KIRREL3: variants seen among roughly 807,000 people sequenced by gnomAD.
KIRREL3 encodes the protein kin of IRRE-like protein 3.
Under a neutral mutation model 89.7 loss-of-function variants are expected in KIRREL3, and 36 were observed. The observed-to-expected ratio is 0.40, with a 90% CI of 0.31 to 0.53. KIRREL3 has a LOEUF of 0.53. KIRREL3 is among the 20% of genes least tolerant of loss of function. The pLI, the probability that KIRREL3 is intolerant of heterozygous loss-of-function variation, is 0.49. For missense variants in KIRREL3, 864 were observed against 1,056.6 expected, an observed-to-expected ratio of 0.82 and a Z score of 2.53; for synonymous variants, 445 against 441.4, an observed-to-expected ratio of 1.01 and a Z score of -0.10.
chr11:126,914,172 T>A (rs1304035778), intron 1 of KIRREL3, among the ~76,000 whole-genome samples: 1 of 152,066 alleles, frequency 6.6e-6, no homozygotes, highest in Non-Finnish European at 1.5e-5. Context: ...CTCGGATAGG[T>A]GCTATGCCTG....
In KIRREL3 at chr11:126,744,715, A is replaced by G. The variant is rs1488659029; in HGVS notation, c.56-181803T>C. ...CGTGGAAACTAAGGACCCGATGAAC[A>G]GTACTCGTATTACTATTCTTTATAA... On this transcript the variant is annotated intron_variant, in intron 1 of 16. Coordinates refer to ENST00000525144, the MANE Select transcript of KIRREL3 (RefSeq NM_032531.4). The surrounding 1 kb of genome is among the most constrained non-coding windows in gnomAD (Gnocchi z 4.7). Among the ~76,000 whole-genome samples, 2 of 152,288 alleles carry G rather than the reference A, an allele frequency of 1.3e-5. No individual in the cohort carries two copies. Among genetic ancestry groups the G allele is most frequent in the East Asian group, 3.9e-4 (2 of 5,174 alleles).
Position 126,987,912 on chromosome 11 carries a change from C to G in KIRREL3, c.55+12543G>C, listed in dbSNP as rs1949915039. 6.6e-6 allele frequency among the ~76,000 whole-genome samples: 1 copy of G among 152,124 alleles called. No individual in the cohort carries two copies. Among genetic ancestry groups the G allele is most frequent in the Non-Finnish European group, 1.5e-5 (1 of 68,034 alleles). On this transcript the variant is annotated intron_variant, in intron 1 of 16. Coordinates refer to ENST00000525144, the MANE Select transcript of KIRREL3 (RefSeq NM_032531.4). This position sits in a 1 kb window ranked among gnomAD's most constrained non-coding sequence, Gnocchi z 4.6. The stretch of plus-strand genomic sequence containing the variant: ...GATTTCTGACACAAGGTAAGTTGTA[C>G]CAGCCGAGACCAAAGTGAAAAGAAT...
Position 126,424,732 on chromosome 11 carries a change from T to C in KIRREL3, c.2185A>G (p.Ser729Gly), listed in dbSNP as rs759244403. The C allele has an allele frequency of 3.3e-5, 53 of 1,613,922 alleles. No individual in the cohort carries two copies. Among genetic ancestry groups the C allele is most frequent in the Non-Finnish European group, 4.3e-5 (51 of 1,179,900 alleles). The change falls in exon 17 of 17, where the codon AGC becomes GGC. Residue 729 changes from serine (S) to glycine (G), a missense_variant. Coordinates refer to ENST00000525144, the MANE Select transcript of KIRREL3 (RefSeq NM_032531.4). ...TGCTTGCCGCTGCTGCTGACGCTGC[T>C]GTCACACTGCGTGTCCAGGAAGGAG... ...SSSFLDTQCDSSVSSSGKQDG... is the reference protein window; with the variant it reads ...SSSFLDTQCDGSVSSSGKQDG...
At chr11:126,847,390 T>C (rs1477891766) in intron 1 of KIRREL3, among the ~76,000 whole-genome samples, 1 of 152,166 alleles carries the variant, frequency 6.6e-6, no homozygotes, top group African/African-American at 2.4e-5. Flanking sequence ...TGACTGTGGC[T>C]GCCCTAAACA....
At chr11:126,998,767 C>T (rs942575845) in intron 1 of KIRREL3, among the ~76,000 whole-genome samples, 1 of 152,158 alleles carries the variant, frequency 6.6e-6, no homozygotes, top group Non-Finnish European at 1.5e-5. Flanking sequence ...AAGCTTCTAA[C>T]TACACAAAAG....
rs1946538771 is a variant in KIRREL3 at position 126,905,376 on chromosome 11, A to G, written c.55+95079T>C. ...TCAACTGCCTTCTTTTCTCATTTAC[A>G]CAACGCTATCCTGGGGTAAAGAGCC... On this transcript the variant is annotated intron_variant, in intron 1 of 16. Coordinates refer to ENST00000525144, the MANE Select transcript of KIRREL3 (RefSeq NM_032531.4). This position sits in a 1 kb window ranked among gnomAD's most constrained non-coding sequence, Gnocchi z 5.0. Among the ~76,000 whole-genome samples, 1 of 152,162 alleles carries G rather than the reference A, an allele frequency of 6.6e-6. No homozygotes were observed. Among genetic ancestry groups the G allele is most frequent in the African/African-American group, 2.4e-5 (1 of 41,430 alleles).
chr11:126,470,092 A>G (rs531302557), intron 5 of KIRREL3, among the ~76,000 whole-genome samples: 1 of 152,330 alleles, frequency 6.6e-6, no homozygotes, highest in East Asian at 1.9e-4. Flanking sequence ...GGCCTTCACA[A>G]TGTAGACAAG....
intron 1 of KIRREL3, among the ~76,000 whole-genome samples, chr11:126,894,134 G>A (rs1343939777): frequency 6.6e-6 from 1 of 152,222 alleles, no homozygotes; most frequent in Non-Finnish European, 1.5e-5. Context: ...GTGGGTTTGA[G>A]AGACATTGTT....
chr11:126,944,482 C>A (rs962592773), intron 1 of KIRREL3: 2 of 152,322 alleles, frequency 1.3e-5, no homozygotes, highest in African/African-American at 4.8e-5. Context: ...GAGGATGAAA[C>A]CAAATGCTCT....
In KIRREL3 at chr11:126,987,037, G is replaced by A. The variant is rs1043015942; in HGVS notation, c.55+13418C>T. Among the ~76,000 whole-genome samples, 1 of 152,116 alleles carries A rather than the reference G, an allele frequency of 6.6e-6. No homozygotes were observed. Among genetic ancestry groups the A allele is most frequent in the Non-Finnish European group, 1.5e-5 (1 of 68,018 alleles). On this transcript the variant is annotated intron_variant, in intron 1 of 16. Coordinates refer to ENST00000525144, the MANE Select transcript of KIRREL3 (RefSeq NM_032531.4). The surrounding 1 kb of genome is among the most constrained non-coding windows in gnomAD (Gnocchi z 4.6). Reference sequence around the variant, plus strand: ...AAGGTCTGGACTGGGGTCCAAAAATGGGGATTTCTAACAATCTCCAAGTTG... The same window carrying A: ...AAGGTCTGGACTGGGGTCCAAAAATAGGGATTTCTAACAATCTCCAAGTTG...
intron 1 of KIRREL3, among the ~76,000 whole-genome samples, chr11:126,667,082 A>C (rs1395260047): frequency 1.3e-5 from 2 of 152,230 alleles, no homozygotes; most frequent in African/African-American, 2.4e-5. Flanking sequence ...TTAAGCTAAA[A>C]AACAAAGGAA....
At chr11:126,466,250 G>C (rs1046609575) in intron 5 of KIRREL3, among the ~76,000 whole-genome samples, 1 of 152,254 alleles carries the variant, frequency 6.6e-6, no homozygotes, top group Admixed American at 6.5e-5. Context: ...CACCTAATTA[G>C]AGAAAAAGGG....
chr11:126,789,273 C>T (rs1371730281), intron 1 of KIRREL3, among the ~76,000 whole-genome samples: 2 of 152,118 alleles, frequency 1.3e-5, no homozygotes, highest in African/African-American at 2.4e-5. Context: ...ACGTGCAGTG[C>T]CCCATCTCCT....
chr11:126,775,390 C>T (rs760291161), intron 1 of KIRREL3, among the ~76,000 whole-genome samples: 2 of 152,154 alleles, frequency 1.3e-5, no homozygotes, highest in African/African-American at 4.8e-5. Context: ...GCAAATTTTG[C>T]GGAGGAGATG....
At position 126,579,784 on chromosome 11, in the gene KIRREL3, G is replaced by A. The variant is rs1232729047; in HGVS notation, c.56-16872C>T. Among the ~76,000 whole-genome samples the A allele has an allele frequency of 1.3e-5, 2 of 151,928 alleles. No homozygotes were observed. Among genetic ancestry groups the A allele is most frequent in the African/African-American group, 2.4e-5 (1 of 41,352 alleles). On this transcript the variant is annotated intron_variant, in intron 1 of 16. Coordinates refer to ENST00000525144, the MANE Select transcript of KIRREL3 (RefSeq NM_032531.4). This position sits in a 1 kb window ranked among gnomAD's most constrained non-coding sequence, Gnocchi z 5.3. ...ACCCCCTGCCTCTCTCCACCTCTGC[G>A]TGATGTTTTTCTGTTCGCCTGTCTG...
rs1453642989 is a variant in KIRREL3 at position 126,462,878 on chromosome 11, G to A, written c.742+279C>T. On this transcript the variant is annotated intron_variant, in intron 6 of 16. Transcript: ENST00000525144. The surrounding 1 kb of genome is among the most constrained non-coding windows in gnomAD (Gnocchi z 4.8). ...GCCACCGGCTAGGCCAGCAGAGGCA[G>A]CAGCTGACCGTATTTATTGGTGTGA... is the stretch of plus-strand genomic sequence containing the variant. Among the ~76,000 whole-genome samples the A allele has an allele frequency of 6.6e-6, 1 of 152,190 alleles. No homozygotes were observed. Among genetic ancestry groups the A allele is most frequent in the East Asian group, 1.9e-4 (1 of 5,184 alleles).
At chr11:126,775,597 G>A (rs1414093046) in intron 1 of KIRREL3, among the ~76,000 whole-genome samples, 3 of 152,236 alleles carry the variant, frequency 2.0e-5, no homozygotes, top group Middle Eastern at 3.4e-3. Flanking sequence ...TGACTCACTC[G>A]CTGCTGGGTC....
chr11:126,442,952 A>G (rs1955640699), intron 10 of KIRREL3, among the ~76,000 whole-genome samples: 1 of 152,182 alleles, frequency 6.6e-6, no homozygotes, highest in Non-Finnish European at 1.5e-5. Context: ...GAGAGTGCAG[A>G]TTCAACCTTG....
At chr11:126,549,730 C>T (rs575639547) in intron 2 of KIRREL3, 8 of 152,326 alleles carry the variant, frequency 5.3e-5, no homozygotes, top group African/African-American at 1.9e-4. Flanking sequence ...ACCCCAGGAT[C>T]TTGCCAGTGG....
Sources: allele counts gnomAD v4.1 joint callset (sites outside exome capture counted in the v4.1 genomes callset), GRCh38; gene constraint gnomAD v4.1.1; non-coding constraint Gnocchi (gnomAD v3.1); transcripts MANE v1.5; gene names NCBI Gene and HGNC (gene_info 2026-07-23, HGNC 2026-07-21).